NXPE2: variants seen among roughly 807,000 people sequenced by gnomAD.
The protein encoded by NXPE2 is NXPE family member 2.
Under a neutral mutation model 34.4 loss-of-function variants are expected in NXPE2, and 34 were observed. That is an observed-to-expected ratio of 0.99 (90% CI 0.75 to 1.31). NXPE2 has a LOEUF of 1.31. NXPE2 is among the 40% of genes most tolerant of loss of function. The pLI, the probability that NXPE2 is intolerant of heterozygous loss-of-function variation, is 0.00. For synonymous variants in NXPE2, 235 were observed against 231.3 expected (o/e 1.02, Z -0.15); for missense variants, 649 against 672.5 (o/e 0.97, Z 0.39).
At chr11:114,512,148 C>CTGTGTATG in the NXPE2 span, among the ~76,000 whole-genome samples, 3 of 152,086 alleles carry the variant, frequency 2.0e-5, no homozygotes, top group East Asian at 5.8e-4. Flanking sequence ...GTTTTGGATA[C>CTGTGTATG]TGTGTATGTA....
the NXPE2 span, among the ~76,000 whole-genome samples, chr11:114,602,013 T>G: frequency 1.0e-4 from 9 of 88,708 alleles, no homozygotes; most frequent in Non-Finnish European, 1.5e-4. Context: ...TGTATTATAT[T>G]ATATATAATA....
intron 5 of NXPE2, 58 bp from the exon 6 acceptor site, chr11:114,706,337 G>C: frequency 7.2e-7 from 1 of 1,383,854 alleles, no homozygotes; most frequent in East Asian, 2.5e-5. Flanking sequence ...GTTGTGTGCA[G>C]TTTAAAGTTA....
At chr11:114,720,295 C>T in the NXPE2 span, among the ~76,000 whole-genome samples, 4 of 152,338 alleles carry the variant, frequency 2.6e-5, no homozygotes, top group African/African-American at 9.6e-5. Flanking sequence ...AGGGGCGACT[C>T]AGCTAGGGGA....
the NXPE2 span, among the ~76,000 whole-genome samples, chr11:114,480,051 G>A: frequency 6.6e-6 from 1 of 152,112 alleles, no homozygotes; most frequent in Non-Finnish European, 1.5e-5. Context: ...AGCACACCAA[G>A]CCATTTGTGA....
chr11:114,585,615 A>G, the NXPE2 span, among the ~76,000 whole-genome samples: 1 of 152,060 alleles, frequency 6.6e-6, no homozygotes, highest in Non-Finnish European at 1.5e-5. Context: ...GTGTGTATAT[A>G]TATGTATATA....
the NXPE2 span, among the ~76,000 whole-genome samples, chr11:114,574,143 T>TA: frequency 6.6e-6 from 1 of 151,992 alleles, no homozygotes; most frequent in Non-Finnish European, 1.5e-5. Context: ...AGATGGAAAT[T>TA]AAAAAATTCT....
the NXPE2 span, chr11:114,529,091 A>G: frequency 1.2e-4 from 42 of 339,894 alleles, no homozygotes; most frequent in Non-Finnish European, 2.1e-4. Flanking sequence ...TTTTTTTGAA[A>G]GCTTATGGAA....
chr11:114,706,958 A>G lies in NXPE2; in HGVS notation c.*28A>G. 2 of 1,498,496 alleles carry G rather than the reference A, an allele frequency of 1.3e-6. No homozygotes were observed. Among genetic ancestry groups the G allele is most frequent in the Non-Finnish European group, 1.8e-6 (2 of 1,112,676 alleles). The allele number at this position is 1,498,496 out of a possible 1,614,324, so 92.8% of individuals were successfully genotyped here. A position where few individuals can be genotyped will look rare whatever the true frequency, so the allele number is the denominator to read the frequency against. On this transcript the variant is annotated 3_prime_UTR_variant, in exon 6 of 6. Transcript: ENST00000389586. ...GAAAAATACAAAAATAGCACTAGCC[A>G]CTTTCTATAGATGATCTCACATATA...
the NXPE2 span, among the ~76,000 whole-genome samples, chr11:114,573,903 A>G: frequency 6.6e-6 from 1 of 152,176 alleles, no homozygotes; most frequent in African/African-American, 2.4e-5. Flanking sequence ...AAAGTGAAGA[A>G]TATACATTCT....
chr11:114,625,111 C>T, the NXPE2 span, among the ~76,000 whole-genome samples: 54 of 152,228 alleles, frequency 3.5e-4, no homozygotes, highest in African/African-American at 1.3e-3. Flanking sequence ...ATAAGTATTG[C>T]CTCATGGGTA....
At chr11:114,633,017 A>T in the NXPE2 span, among the ~76,000 whole-genome samples, 44,370 of 106,382 alleles carry the variant, frequency 0.42, 10,179 homozygotes, top group African/African-American at 0.6. Flanking sequence ...ATATTATATA[A>T]TATATAATGT....
At chr11:114,571,216 T>C in the NXPE2 span, 1 of 1,614,028 alleles carries the variant, frequency 6.2e-7, no homozygotes, top group Non-Finnish European at 8.5e-7. Context: ...TTGTGGACAT[T>C]GAGGGCCCTT....
the NXPE2 span, among the ~76,000 whole-genome samples, chr11:114,769,790 A>G: frequency 2.0e-5 from 3 of 152,128 alleles, no homozygotes; most frequent in African/African-American, 7.2e-5. Flanking sequence ...AGGGAGGGGA[A>G]CATCACCCTC....
At chr11:114,570,113 A>G in the NXPE2 span, among the ~76,000 whole-genome samples, 2 of 152,118 alleles carry the variant, frequency 1.3e-5, no homozygotes, top group African/African-American at 4.8e-5. Context: ...CCGCCTTAAG[A>G]TGTTTAAAAG....
At chr11:114,768,584 C>T in the NXPE2 span, among the ~76,000 whole-genome samples, 3 of 152,152 alleles carry the variant, frequency 2.0e-5, no homozygotes, top group Admixed American at 2.0e-4. Flanking sequence ...TCTCTTATTT[C>T]CTTGAGCAGT....
chr11:114,606,489 T>A, the NXPE2 span, among the ~76,000 whole-genome samples: 9 of 151,330 alleles, frequency 5.9e-5, no homozygotes, highest in African/African-American at 2.2e-4. Flanking sequence ...TGTTCCTTGG[T>A]GGATAATAAG....
chr11:114,466,113 C>T, the NXPE2 span, among the ~76,000 whole-genome samples: 4 of 152,154 alleles, frequency 2.6e-5, no homozygotes, highest in African/African-American at 7.2e-5. Context: ...GCATTAGACT[C>T]AGAAGATGTA....
chr11:114,783,484 A>C, the NXPE2 span, among the ~76,000 whole-genome samples: 1 of 152,170 alleles, frequency 6.6e-6, no homozygotes, highest in Non-Finnish European at 1.5e-5. Flanking sequence ...GAGCCATTAC[A>C]ACCCTTCTCA....
chr11:114,777,180 G>A, the NXPE2 span, among the ~76,000 whole-genome samples: 2 of 152,096 alleles, frequency 1.3e-5, no homozygotes, highest in Admixed American at 6.5e-5. Context: ...ACAGGAAATC[G>A]TGAGATCTAA....
Sources: gnomAD v4.1 joint callset for allele counts (sites outside exome capture counted in the v4.1 genomes callset) on GRCh38, gnomAD v4.1.1 for gene constraint, MANE v1.5 for transcripts, NCBI Gene and HGNC (gene_info 2026-07-23, HGNC 2026-07-21) for gene names.